ZNF90: variants seen among roughly 807,000 people sequenced by gnomAD.
The protein encoded by ZNF90 is zinc finger protein 90.
In ZNF90, 11 loss-of-function variants were observed where a neutral mutation model predicts 12.0. The ratio of observed to expected loss-of-function variants is 0.92; its 90% CI spans 0.58 to 1.52. The LOEUF is 1.52. ZNF90 is among the 40% of genes most tolerant of loss of function. The pLI is 0.00. For synonymous variants in ZNF90, 232 were observed against 240.1 expected, an observed-to-expected ratio of 0.97 and a Z score of 0.31; for missense variants, 765 against 711.5, an observed-to-expected ratio of 1.08 and a Z score of -0.86.
chr19:20,080,794 G>C lies in ZNF90; in HGVS notation c.3+2659G>C, dbSNP rs189841914. ...ATGTTGTGGGACTGAGCACTGAAACGGGGTCTGTGCTGACTCTGGGTGGTG... is the reference window on the plus strand; with the variant it reads ...ATGTTGTGGGACTGAGCACTGAAACCGGGTCTGTGCTGACTCTGGGTGGTG... On this transcript the variant is annotated intron_variant, in intron 1 of 3. Transcript: ENST00000418063. Among the ~76,000 whole-genome samples, 21 of 152,308 alleles carry C rather than the reference G, an allele frequency of 1.4e-4. No individual in the cohort carries two copies. The East Asian group carries it at 4.1e-3, about 29-fold the overall frequency.
At chr19:20,094,670 T>G (rs2088928800) in intron 1 of ZNF90, among the ~76,000 whole-genome samples, 1 of 152,194 alleles carries the variant, frequency 6.6e-6, no homozygotes, top group African/African-American at 2.4e-5. Context: ...AGCATGAGAT[T>G]GGGCTAGAGA....
At chr19:20,104,020 C>G (rs2122506132) in intron 1 of ZNF90, among the ~76,000 whole-genome samples, 1 of 152,236 alleles carries the variant, frequency 6.6e-6, no homozygotes, top group East Asian at 1.9e-4. Context: ...AGAAAAATAT[C>G]ATATATGAAC....
intron 1 of ZNF90, among the ~76,000 whole-genome samples, chr19:20,101,126 C>G (rs552437557): frequency 5.8e-4 from 88 of 152,290 alleles, no homozygotes; most frequent in South Asian, 1.0e-3. Flanking sequence ...AGACTTCCAC[C>G]CCTCCCCCTC....
rs759897581 is a variant in ZNF90 at position 20,082,629 on chromosome 19, CTG to C, written c.3+4497_3+4498del. ...CTCAAGTGCCCAGGGACACAAAACA[CTG>C]TGGAAGGCCGCAGGGACCTCTGCCT... On this transcript the variant is annotated intron_variant, in intron 1 of 3. Coordinates refer to ENST00000418063, the MANE Select transcript of ZNF90 (RefSeq NM_007138.2). Among the ~76,000 whole-genome samples, 33 of 152,294 alleles carry C rather than the reference CTG, an allele frequency of 2.2e-4. 1 individual carries two copies. The South Asian group carries it at 4.4e-3, about 20-fold the overall frequency.
intron 3 of ZNF90, among the ~76,000 whole-genome samples, chr19:20,115,829 T>C (rs1467758756): frequency 1.3e-5 from 2 of 152,212 alleles, no homozygotes; most frequent in Non-Finnish European, 2.9e-5. Context: ...TCTTCAGTAG[T>C]TGTCTGTGTT....
intron 1 of ZNF90, among the ~76,000 whole-genome samples, chr19:20,089,737 A>C (rs2088887173): frequency 6.6e-6 from 1 of 152,106 alleles, no homozygotes; most frequent in Non-Finnish European, 1.5e-5. Context: ...GTTCTTCAGG[A>C]GGGTAAAGTT....
Position 20,120,215 on chromosome 19 carries a change from C to G in ZNF90, c.*855C>G, listed in dbSNP as rs1249081898. ...GCACAATTATAAAAAATATGGAAAA[C>G]CCATTAATGCCTACTCACATCTTAC... On this transcript the variant is annotated 3_prime_UTR_variant, in exon 4 of 4. Coordinates refer to ENST00000418063, the MANE Select transcript of ZNF90 (RefSeq NM_007138.2). Among the ~76,000 whole-genome samples, 1 of 152,106 alleles carries G rather than the reference C, an allele frequency of 6.6e-6. No homozygotes were observed. Among genetic ancestry groups the G allele is most frequent in the Non-Finnish European group, 1.5e-5 (1 of 68,034 alleles).
intron 3 of ZNF90, among the ~76,000 whole-genome samples, chr19:20,111,684 C>G (rs1223042822): frequency 6.6e-6 from 1 of 151,764 alleles, no homozygotes; most frequent in South Asian, 2.1e-4. Flanking sequence ...TGTATACTTT[C>G]TATAAATTTT....
At position 20,117,985 on chromosome 19, in the gene ZNF90, T is replaced by A. The variant is rs782517003; in HGVS notation, c.431T>A (p.Val144Glu). 16 of 1,613,258 alleles carry A rather than the reference T, an allele frequency of 9.9e-6. No homozygotes were observed. The highest frequency in any genetic ancestry group is 6.7e-5 in the Admixed American group (4 of 59,816). Residue 144 changes from valine to glutamate, a missense_variant, in exon 4 of 4, where the codon GTA (valine) becomes GAA (glutamate). Transcript: ENST00000418063. ...TGTTTGACAGCTACCCAGAGCAAAG[T>A]ATTTCAATGTGATACATATGTGAAA... Reference protein sequence around the residue: ...NQCLTATQSKVFQCDTYVKVS... With the variant: ...NQCLTATQSKEFQCDTYVKVS...
rs1276261732 is a variant in ZNF90, at chr19:20,120,177, C to A, written c.*817C>A. Reference sequence around the variant, plus strand: ...CTTATTTCACAGGAAAGCTAGTATCCTTGAGAAAAATTGCACAATTATAAA... The same window carrying A: ...CTTATTTCACAGGAAAGCTAGTATCATTGAGAAAAATTGCACAATTATAAA... On this transcript the variant is annotated 3_prime_UTR_variant, in exon 4 of 4. Coordinates refer to ENST00000418063, the MANE Select transcript of ZNF90 (RefSeq NM_007138.2). 6.6e-6 allele frequency among the ~76,000 whole-genome samples: 1 copy of A among 152,104 alleles called. No individual in the cohort carries two copies.
chr19:20,081,291 C>T (rs1347677512), intron 1 of ZNF90, among the ~76,000 whole-genome samples: 1 of 152,024 alleles, frequency 6.6e-6, no homozygotes, highest in Non-Finnish European at 1.5e-5. Context: ...CAGGTTCCAA[C>T]GATTCTTCTG....
chr19:20,080,269 A>T (rs2088810010), intron 1 of ZNF90: 3 of 578,552 alleles, frequency 5.2e-6, no homozygotes, highest in Non-Finnish European at 1.0e-5. Context: ...CTTGGTACGG[A>T]CTAGCTCGTT....
chr19:20,086,328 G>A (rs1294738801), intron 1 of ZNF90, among the ~76,000 whole-genome samples: 4 of 148,274 alleles, frequency 2.7e-5, no homozygotes, highest in African/African-American at 5.0e-5. Context: ...GCTGCCTCCC[G>A]GGTTGAAGTG....
At chr19:20,080,537 C>T (rs1448067317) in intron 1 of ZNF90, 1 of 242,058 alleles carries the variant, frequency 4.1e-6, no homozygotes, top group Non-Finnish European at 8.8e-6. Flanking sequence ...AAGAGATGCC[C>T]ATCTCTCAGC....
intron 1 of ZNF90, among the ~76,000 whole-genome samples, chr19:20,083,087 C>T (rs2088832859): frequency 6.6e-6 from 1 of 152,156 alleles, no homozygotes; most frequent in Non-Finnish European, 1.5e-5. Flanking sequence ...ATTGTCCTGC[C>T]ACATCTCCCT....
chr19:20,108,559 C>G (rs1446341651), intron 3 of ZNF90, among the ~76,000 whole-genome samples: 2 of 152,062 alleles, frequency 1.3e-5, no homozygotes, highest in Non-Finnish European at 2.9e-5. Flanking sequence ...TCATGTGATC[C>G]ACTGGCCTTG....
rs554279208 is a variant in ZNF90, at chr19:20,088,112, T to TG, written c.3+9979dup. 1.5e-4 allele frequency among the ~76,000 whole-genome samples: 23 copies of TG among 152,272 alleles called. No homozygotes were observed. The South Asian group carries it at 4.2e-3, about 27-fold the overall frequency. On this transcript the variant is annotated intron_variant, in intron 1 of 3. Coordinates refer to ENST00000418063, the MANE Select transcript of ZNF90 (RefSeq NM_007138.2). ...GCAGGTCACAGGGGATGCGATGGCT[T>TG]GGCTTGGGCTCAGAGGCCTGACATT...
chr19:20,112,558 G>C (rs2089099196), intron 3 of ZNF90, among the ~76,000 whole-genome samples: 1 of 152,046 alleles, frequency 6.6e-6, no homozygotes, highest in South Asian at 2.1e-4. Flanking sequence ...TTGATCTCAG[G>C]CAATCCACCC....
At chr19:20,108,358 G>T (rs1318920057) in intron 3 of ZNF90, among the ~76,000 whole-genome samples, 1 of 152,172 alleles carries the variant, frequency 6.6e-6, no homozygotes, top group Non-Finnish European at 1.5e-5. Flanking sequence ...CACCCAGGTT[G>T]GAGTGCAGTG....
Sources: allele counts gnomAD v4.1 joint callset (sites outside exome capture counted in the v4.1 genomes callset), GRCh38; gene constraint gnomAD v4.1.1; transcripts MANE v1.5; gene names NCBI Gene and HGNC (gene_info 2026-07-23, HGNC 2026-07-21).